Variants in GPR137C observed in about 807,000 individuals in gnomAD.
GPR137C encodes G protein-coupled receptor 137C, also known as integral membrane protein GPR137C.
GPR137C carries 27 observed loss-of-function variants against 43.4 expected under a neutral mutation model. The observed-to-expected ratio is 0.62, with a 90% CI of 0.46 to 0.86. The LOEUF is 0.86. Ranked by LOEUF, GPR137C falls within the 40% of genes least tolerant of loss-of-function variation. The pLI is 0.00. For synonymous variants in GPR137C, 285 were observed against 226.9 expected, an observed-to-expected ratio of 1.26 and a Z score of -2.30; for missense variants, 522 against 534.6, an observed-to-expected ratio of 0.98 and a Z score of 0.23.
intron 1 of GPR137C, among the ~76,000 whole-genome samples, chr14:52,578,076 A>C (rs2038590848): frequency 6.6e-6 from 1 of 152,154 alleles, no homozygotes; most frequent in Non-Finnish European, 1.5e-5. Flanking sequence ...TGTATATGTG[A>C]CTTGTTTTTT....
chr14:52,553,388 T>C lies in GPR137C; in HGVS notation c.241T>C (p.Tyr81His). The change falls in exon 1 of 7, where the codon TAC becomes CAC. Residue 81 changes from tyrosine to histidine, a missense_variant. By Grantham distance (83) the Tyr-to-His change is moderately conservative. Around this residue, in one of 3 missense-constraint regions of GPR137C, gnomAD observed 437 missense variants for 425.7 expected, o/e 1.03. Transcript: ENST00000321662. ...LLLYRERRLS[Y>H]QSLCLFLCLL... ...CCTGTACCGCGAGCGGCGGCTGAGT[T>C]ACCAGAGCCTCTGCCTCTTCCTCTG... is the stretch of plus-strand genomic sequence containing the variant. 1 of 1,606,790 alleles carries C rather than the reference T, an allele frequency of 6.2e-7. No homozygotes were observed. The highest frequency in any genetic ancestry group is 8.5e-7 in the Non-Finnish European group (1 of 1,179,606).
intron 3 of GPR137C, among the ~76,000 whole-genome samples, chr14:52,610,987 C>T (rs570202495): frequency 2.0e-5 from 3 of 152,220 alleles, no homozygotes; most frequent in Non-Finnish European, 2.9e-5. Context: ...TGTTTGTTTG[C>T]TTATTAATAA....
chr14:52,577,863 G>A (rs2038586384), intron 1 of GPR137C, among the ~76,000 whole-genome samples: 1 of 151,820 alleles, frequency 6.6e-6, no homozygotes, highest in African/African-American at 2.4e-5. Context: ...AGCTACTGAG[G>A]CTGAGGTGGG....
Position 52,553,111 on chromosome 14 carries a change from C to G in GPR137C, c.-37C>G. The G allele has an allele frequency of 8.9e-7, 1 of 1,127,712 alleles. No individual in the cohort carries two copies. The allele number at this position is 1,127,712 out of a possible 1,614,324, so 69.9% of individuals were successfully genotyped here. On this transcript the variant is annotated 5_prime_UTR_variant, in exon 1 of 7. Transcript: ENST00000321662. ...ACGGCGGCTCCGAGTCCAGCCCCTTCCTTCCCGCGCTCGCTCGCCCGGCCC... is the reference window on the plus strand; with the variant it reads ...ACGGCGGCTCCGAGTCCAGCCCCTTGCTTCCCGCGCTCGCTCGCCCGGCCC...
chr14:52,562,350 ATGTT>A (rs1317096418), intron 1 of GPR137C, among the ~76,000 whole-genome samples: 1 of 152,228 alleles, frequency 6.6e-6, no homozygotes, highest in African/African-American at 2.4e-5. Context: ...TTCATATAAA[ATGTT>A]TGGGACATGG....
At chr14:52,570,312 C>G (rs2038445597) in intron 1 of GPR137C, among the ~76,000 whole-genome samples, 1 of 152,132 alleles carries the variant, frequency 6.6e-6, no homozygotes, top group Non-Finnish European at 1.5e-5. Flanking sequence ...AGTTTGTCAC[C>G]ACCAGGCCTG....
intron 1 of GPR137C, among the ~76,000 whole-genome samples, chr14:52,595,224 G>A (rs928102385): frequency 2.6e-5 from 4 of 152,102 alleles, no homozygotes; most frequent in African/African-American, 4.8e-5. Context: ...TGGGTAACCC[G>A]ACCTTTCTCT....
intron 2 of GPR137C, among the ~76,000 whole-genome samples, chr14:52,598,740 A>C (rs1315897419): frequency 6.6e-6 from 1 of 152,126 alleles, no homozygotes; most frequent in Non-Finnish European, 1.5e-5. Flanking sequence ...GGGGTTTCCA[A>C]CCCAATTTTC....
intron 3 of GPR137C, among the ~76,000 whole-genome samples, chr14:52,629,391 A>G (rs1194983352): frequency 6.6e-6 from 1 of 152,206 alleles, no homozygotes; most frequent in Admixed American, 6.5e-5. Flanking sequence ...AGTGTGATTT[A>G]CTTTCTCAAT....
chr14:52,623,626 TA>T (rs1340608101), intron 3 of GPR137C, among the ~76,000 whole-genome samples: 1 of 152,178 alleles, frequency 6.6e-6, no homozygotes, highest in Non-Finnish European at 1.5e-5. Flanking sequence ...GAAGACACAA[TA>T]AGGTAAATTA....
intron 1 of GPR137C, among the ~76,000 whole-genome samples, chr14:52,586,804 G>A (rs528367555): frequency 2.6e-5 from 4 of 151,938 alleles, no homozygotes; most frequent in South Asian, 2.1e-4. Flanking sequence ...AATACATTTC[G>A]TGACCTGGCT....
chr14:52,600,284 G>A lies in GPR137C; in HGVS notation c.660G>A (p.Val220=). The change falls in exon 3 of 7, where the codon GTG becomes GTA. Residue 220 remains valine, a synonymous_variant. Transcript: ENST00000321662. ...SLFILCAISL[V]CYICKITKMS... is the part of the protein sequence containing the mutation. Reference sequence around the variant, plus strand: ...TTATTCTTTGTGCCATCTCTTTAGTGTGTTACATATGCAAAATTACAAAAA... The same window carrying A: ...TTATTCTTTGTGCCATCTCTTTAGTATGTTACATATGCAAAATTACAAAAA... 1 of 1,613,228 alleles carries A rather than the reference G, an allele frequency of 6.2e-7. No homozygotes were observed. Among genetic ancestry groups the A allele is most frequent in the Non-Finnish European group, 8.5e-7 (1 of 1,179,416 alleles).
At chr14:52,553,625 C>CG (rs2038134906) in intron 1 of GPR137C, 34 bp downstream of exon 1, 2 of 1,442,054 alleles carry the variant, frequency 1.4e-6, no homozygotes, top group Non-Finnish European at 1.8e-6. Flanking sequence ...GGGGCCCGGG[C>CG]GGGTGCGCGG....
At position 52,553,125 on chromosome 14, in the gene GPR137C, C is replaced by A. The variant is rs1172318090; in HGVS notation, c.-23C>A. On this transcript the variant is annotated 5_prime_UTR_variant, in exon 1 of 7. Coordinates refer to ENST00000321662, the MANE Select transcript of GPR137C (RefSeq NM_001099652.2). ...TCCAGCCCCTTCCTTCCCGCGCTCG[C>A]TCGCCCGGCCCCCAGCCCCCTCATG... The A allele has an allele frequency of 1.7e-6, 2 of 1,157,970 alleles. No individual in the cohort carries two copies. The highest frequency in any genetic ancestry group is 2.1e-6 in the Non-Finnish European group (2 of 940,898). The allele number at this position is 1,157,970 out of a possible 1,614,324, so 71.7% of individuals were successfully genotyped here. A position where few individuals can be genotyped will look rare whatever the true frequency, so the allele number is the denominator to read the frequency against.
At chr14:52,583,726 GTAA>G (rs2038678068) in intron 1 of GPR137C, among the ~76,000 whole-genome samples, 1 of 152,084 alleles carries the variant, frequency 6.6e-6, no homozygotes, top group South Asian at 2.1e-4. Flanking sequence ...ATCATTGGCT[GTAA>G]TAATAACTTC....
At chr14:52,627,781 T>C (rs989004598) in intron 3 of GPR137C, among the ~76,000 whole-genome samples, 2 of 151,842 alleles carry the variant, frequency 1.3e-5, no homozygotes, top group Admixed American at 1.3e-4. Context: ...GAGGTGGAGG[T>C]TGCAATGAGC....
chr14:52,581,975 C>T (rs1024937673), intron 1 of GPR137C, among the ~76,000 whole-genome samples: 4 of 152,148 alleles, frequency 2.6e-5, no homozygotes, highest in Admixed American at 6.6e-5. Flanking sequence ...TGAAAATAAA[C>T]GATACACAGC....
Position 52,633,545 on chromosome 14 carries a change from A to G in GPR137C, c.883A>G (p.Ile295Val), listed in dbSNP as rs746121239. ...CTATTTACAGGCTCATGTAGAAGAC[A>G]TAAGTGGAGAAGAGTATATAGTATT... ...NLSDKAHVED[I>V]SGEEYIVFGM... Residue 295 changes from isoleucine (I) to valine (V), a missense_variant, in exon 5 of 7, where the codon ATA becomes GTA. By Grantham distance (29) the Ile-to-Val change is conservative. Around this residue, in one of 3 missense-constraint regions of GPR137C, gnomAD observed 437 missense variants for 425.7 expected, o/e 1.03. Coordinates refer to ENST00000321662, the MANE Select transcript of GPR137C (RefSeq NM_001099652.2). 122 of 1,612,192 alleles carry G rather than the reference A, an allele frequency of 7.6e-5. 1 individual carries two copies. The highest frequency in any genetic ancestry group is 1.6e-4 in the Middle Eastern group (1 of 6,078).
At chr14:52,621,071 C>G (rs988927181) in intron 3 of GPR137C, among the ~76,000 whole-genome samples, 4 of 151,682 alleles carry the variant, frequency 2.6e-5, no homozygotes, top group African/African-American at 7.3e-5. Flanking sequence ...GCTTAGCAAA[C>G]CCAATCAGGA....
Sources: allele counts gnomAD v4.1 joint callset (sites outside exome capture counted in the v4.1 genomes callset), GRCh38; gene constraint gnomAD v4.1.1; regional missense constraint gnomAD v4.1.1; transcripts MANE v1.5; gene names NCBI Gene and HGNC (gene_info 2026-07-23, HGNC 2026-07-21).